The following PDE4D variants were observed in gnomAD, a reference collection of about 807,000 sequenced individuals.
The protein encoded by PDE4D is 3',5'-cyclic-AMP phosphodiesterase 4D.
PDE4D carries 24 observed loss-of-function variants against 87.4 expected under a neutral mutation model. That is an observed-to-expected ratio of 0.27 (90% CI 0.20 to 0.39). The LOEUF is 0.39. Among genes scored for constraint, PDE4D ranks in the 10% least tolerant of loss-of-function variants. PDE4D has a pLI of 1.00. For missense variants in PDE4D, 714 were observed against 1,041.0 expected, an observed-to-expected ratio of 0.69 and a Z score of 4.32; for synonymous variants, 384 against 383.2, an observed-to-expected ratio of 1.00 and a Z score of -0.02.
intron 2 of PDE4D, among the ~76,000 whole-genome samples, chr5:60,165,034 A>C (rs1782768465): frequency 6.6e-6 from 1 of 152,158 alleles, no homozygotes; most frequent in South Asian, 2.1e-4. Context: ...CCATTTGTCC[A>C]AGCCCCCTCC....
At chr5:60,230,226 GA>G (rs1745638061) in intron 1 of PDE4D, among the ~76,000 whole-genome samples, 1 of 152,060 alleles carries the variant, frequency 6.6e-6, no homozygotes, top group African/African-American at 2.4e-5. Flanking sequence ...TGTGAATCTA[GA>G]AACTCTTTAA....
chr5:59,807,759 A>G (rs1280686780), intron 1 of PDE4D, among the ~76,000 whole-genome samples: 2 of 152,238 alleles, frequency 1.3e-5, no homozygotes, highest in African/African-American at 4.8e-5. Context: ...TAAGTTGTCA[A>G]GGAAGTAGGC....
intron 1 of PDE4D, among the ~76,000 whole-genome samples, chr5:60,481,121 T>A (rs547709230): frequency 6.6e-6 from 1 of 152,184 alleles, no homozygotes; most frequent in Admixed American, 6.5e-5. Flanking sequence ...GTAGCTTGAT[T>A]GTAAATTTGG....
intron 2 of PDE4D, among the ~76,000 whole-genome samples, chr5:60,182,787 G>A (rs1405672562): frequency 6.6e-6 from 1 of 152,136 alleles, no homozygotes; most frequent in African/African-American, 2.4e-5. Context: ...GGCTGAGGCA[G>A]GAGAATGGCG....
intron 5 of PDE4D, among the ~76,000 whole-genome samples, chr5:59,116,796 G>A (rs1016917235): frequency 6.6e-6 from 1 of 152,144 alleles, no homozygotes; most frequent in African/African-American, 2.4e-5. Context: ...AGTGGACTGC[G>A]AAAGGACAGA....
intron 3 of PDE4D, among the ~76,000 whole-genome samples, chr5:59,919,833 G>C (rs917559847): frequency 1.3e-5 from 2 of 152,136 alleles, no homozygotes; most frequent in Non-Finnish European, 2.9e-5. Flanking sequence ...AAATGTCCAA[G>C]GAATAATGTG....
Position 58,998,557 on chromosome 5 carries a change from T to C in PDE4D, c.922-5092A>G, listed in dbSNP as rs374269428. 3.3e-5 allele frequency among the ~76,000 whole-genome samples: 5 copies of C among 152,284 alleles called. No homozygotes were observed. In the East Asian group the frequency reaches 9.6e-4, roughly 29 times the overall value. Reference sequence around the variant, plus strand: ...AGGGAGGTAAGGAATCATGACTACTTGGACAACCAAGACTGAAATAAGTTT... The same window carrying C: ...AGGGAGGTAAGGAATCATGACTACTCGGACAACCAAGACTGAAATAAGTTT... On this transcript the variant is annotated intron_variant, in intron 6 of 14. Transcript: ENST00000340635.
At chr5:59,685,594 T>C (rs898173153) in intron 1 of PDE4D, among the ~76,000 whole-genome samples, 4 of 152,316 alleles carry the variant, frequency 2.6e-5, no homozygotes, top group Admixed American at 2.0e-4. Context: ...GATTTTGTGA[T>C]TTCTAATAGG....
chr5:59,555,633 C>T (rs1278076758), intron 1 of PDE4D, among the ~76,000 whole-genome samples: 1 of 152,132 alleles, frequency 6.6e-6, no homozygotes, highest in African/African-American at 2.4e-5. Context: ...CTTCTCCTTA[C>T]CCCGATCTCC....
intron 1 of PDE4D, among the ~76,000 whole-genome samples, chr5:59,623,831 C>T (rs1292295478): frequency 6.6e-6 from 1 of 152,130 alleles, no homozygotes; most frequent in Non-Finnish European, 1.5e-5. Flanking sequence ...CTTTATGTTA[C>T]TTTTAAATTC....
In PDE4D at chr5:59,038,910, C is replaced by T; in HGVS notation, c.870G>A (p.Gln290=). 6.2e-7 allele frequency: 1 copy of T among 1,604,960 alleles called. No homozygotes were observed. Among genetic ancestry groups the T allele is most frequent in the Non-Finnish European group, 8.5e-7 (1 of 1,175,632 alleles). The change falls in exon 6 of 15, where the codon CAG becomes CAA. Residue 290 remains glutamine (Q), a synonymous_variant. Transcript: ENST00000340635. ...TLEELDWCLD[Q]LETLQTRHSV... Reference sequence around the variant, plus strand: ...AGTGCCTGGTCTGTAGGGTCTCTAGCTGGTCCAGACACCAGTCCAGCTCCT... The same window carrying T: ...AGTGCCTGGTCTGTAGGGTCTCTAGTTGGTCCAGACACCAGTCCAGCTCCT...
intron 1 of PDE4D, among the ~76,000 whole-genome samples, chr5:60,354,000 A>G (rs543537270): frequency 2.7e-4 from 41 of 152,300 alleles, no homozygotes; most frequent in African/African-American, 8.4e-4. Context: ...ACTATTCTGG[A>G]AAGCTTTATA....
chr5:60,235,966 G>T (rs1746380035), intron 1 of PDE4D, among the ~76,000 whole-genome samples: 1 of 151,862 alleles, frequency 6.6e-6, no homozygotes, highest in Non-Finnish European at 1.5e-5. Flanking sequence ...TTTAACATCA[G>T]TGGAAAAGCA....
intron 1 of PDE4D, among the ~76,000 whole-genome samples, chr5:59,830,400 T>C (rs772762176): frequency 4.6e-5 from 7 of 152,102 alleles, no homozygotes; most frequent in Admixed American, 2.0e-4. Context: ...ATTTTCAAAA[T>C]TAGTAATTTC....
At chr5:59,031,389 ATAT>A (rs1561348046) in intron 6 of PDE4D, among the ~76,000 whole-genome samples, 1,326 of 49,138 alleles carry the variant, frequency 0.027, 21 homozygotes, top group African/African-American at 0.13. Flanking sequence ...ATATATATAT[ATAT>A]TATATATATA....
intron 1 of PDE4D, among the ~76,000 whole-genome samples, chr5:59,505,870 G>A (rs1347740551): frequency 1.3e-5 from 2 of 152,138 alleles, no homozygotes; most frequent in African/African-American, 4.8e-5. Flanking sequence ...GGAATGTAGG[G>A]AGATATCTGT....
intron 1 of PDE4D, among the ~76,000 whole-genome samples, chr5:60,210,130 C>T (rs1426975783): frequency 6.6e-6 from 1 of 151,980 alleles, no homozygotes. Context: ...CTGCCAGTTT[C>T]CTTAACTACT....
At chr5:59,732,548 A>G (rs1041011796) in intron 1 of PDE4D, among the ~76,000 whole-genome samples, 13 of 152,218 alleles carry the variant, frequency 8.5e-5, no homozygotes, top group African/African-American at 2.6e-4. Flanking sequence ...TCACAAATTA[A>G]CAAAACTCCA....
At chr5:59,166,227 T>G (rs1043798815) in intron 5 of PDE4D, 1 of 152,124 alleles carries the variant, frequency 6.6e-6, no homozygotes, top group Non-Finnish European at 1.5e-5. Flanking sequence ...CAGACAACAC[T>G]GTTTAGTGTG....
Sources: gnomAD v4.1 joint callset for allele counts (sites outside exome capture counted in the v4.1 genomes callset) on GRCh38, gnomAD v4.1.1 for gene constraint, MANE v1.5 for transcripts, NCBI Gene and HGNC (gene_info 2026-07-23, HGNC 2026-07-21) for gene names.